EML1: variants seen among roughly 807,000 people sequenced by gnomAD.
The protein encoded by EML1 is EMAP like 1.
Under a neutral mutation model 110.4 loss-of-function variants are expected in EML1, and 27 were observed. That is an observed-to-expected ratio of 0.24 (90% CI 0.18 to 0.34). EML1 has a LOEUF of 0.34. Ranked by LOEUF, EML1 falls within the 10% of genes least tolerant of loss-of-function variation. EML1 has a pLI of 1.00. For synonymous variants in EML1, 344 were observed against 385.8 expected (o/e 0.89, Z 1.27); for missense variants, 741 against 1,030.9 (o/e 0.72, Z 3.85).
intron 1 of EML1, among the ~76,000 whole-genome samples, chr14:99,785,971 C>T (rs996826881): frequency 3.4e-5 from 5 of 148,422 alleles, no homozygotes; most frequent in African/African-American, 5.0e-5. Flanking sequence ...ATTACAAGGA[C>T]GAAGGAGACA....
chr14:99,778,049 T>C (rs1180030693), intron 1 of EML1, among the ~76,000 whole-genome samples: 1 of 152,152 alleles, frequency 6.6e-6, no homozygotes, highest in Non-Finnish European at 1.5e-5. Context: ...CTTCGTGAAG[T>C]GTTGGGATTA....
At chr14:99,759,463 C>T (rs1014126409) in intron 1 of EML1, among the ~76,000 whole-genome samples, 28 of 152,232 alleles carry the variant, frequency 1.8e-4, no homozygotes, top group African/African-American at 6.8e-4. Flanking sequence ...AGCCCCGGGC[C>T]GGGAGGTCCC....
At chr14:99,815,560 C>A (rs1595331625) in intron 1 of EML1, among the ~76,000 whole-genome samples, 1 of 152,260 alleles carries the variant, frequency 6.6e-6, no homozygotes, top group Middle Eastern at 3.4e-3. Flanking sequence ...TTTTCTTCTG[C>A]AAACAATGGT....
At chr14:99,847,936 C>CT (rs201357058) in intron 1 of EML1, among the ~76,000 whole-genome samples, 1 of 151,010 alleles carries the variant, frequency 6.6e-6, no homozygotes, top group African/African-American at 2.4e-5. Flanking sequence ...TTGGGTTTTG[C>CT]TTTTTTAAAA....
chr14:99,889,778 T>C (rs919543711), intron 4 of EML1, among the ~76,000 whole-genome samples: 1 of 152,206 alleles, frequency 6.6e-6, no homozygotes, highest in African/African-American at 2.4e-5. Flanking sequence ...TAGGGCCTTG[T>C]AGGCCAATGT....
At chr14:99,747,841 C>T (rs1343455666) in intron 1 of EML1, among the ~76,000 whole-genome samples, 6 of 152,162 alleles carry the variant, frequency 3.9e-5, no homozygotes, top group South Asian at 2.1e-4. Context: ...CAGCAATGCA[C>T]GGGAAGGGGC....
Position 99,747,286 on chromosome 14 carries a change from G to A in EML1, c.28+9426G>A, listed in dbSNP as rs1016839091. Among the ~76,000 whole-genome samples, 7 of 151,944 alleles carry A rather than the reference G, an allele frequency of 4.6e-5. No individual in the cohort carries two copies. In the South Asian group the frequency reaches 8.3e-4, roughly 18 times the overall value. Reference sequence around the variant, plus strand: ...TCCCCTGGAAATGTATAGAAATGGCGAGGAGGGCACTGCGCATTCTTCCAG... The same window carrying A: ...TCCCCTGGAAATGTATAGAAATGGCAAGGAGGGCACTGCGCATTCTTCCAG... On this transcript the variant is annotated intron_variant, in intron 1 of 10. Transcript: ENST00000554479.
intron 1 of EML1, among the ~76,000 whole-genome samples, chr14:99,829,509 G>A (rs1020241096): frequency 1.3e-5 from 2 of 152,144 alleles, no homozygotes; most frequent in Admixed American, 6.5e-5. Flanking sequence ...CATTTTAAAT[G>A]TATAAATTCA....
At chr14:99,845,418 A>AT (rs1182559237) in intron 1 of EML1, among the ~76,000 whole-genome samples, 14 of 152,180 alleles carry the variant, frequency 9.2e-5, no homozygotes, top group Non-Finnish European at 1.2e-4. Context: ...TTTCTCATTC[A>AT]ATAGAGAGAA....
chr14:99,762,427 C>T (rs78750232), intron 1 of EML1, among the ~76,000 whole-genome samples: 332 of 152,270 alleles, frequency 2.2e-3, no homozygotes, highest in African/African-American at 7.5e-3. Context: ...CAGGTAAACA[C>T]TGTTTGGGCT....
intron 13 of EML1, among the ~76,000 whole-genome samples, chr14:99,913,321 G>C (rs1048625464): frequency 1.3e-5 from 2 of 151,624 alleles, no homozygotes; most frequent in Non-Finnish European, 2.9e-5. Context: ...GCTACTACAC[G>C]CACCACCATA....
intron 1 of EML1, chr14:99,838,918 C>CGCGCGCGTGTGT (rs3071409): frequency 3.0e-5 from 1 of 33,614 alleles, no homozygotes; most frequent in African/African-American, 8.7e-5. Flanking sequence ...CGCGCGCGCG[C>CGCGCGCGTGTGT]GTGTGTGTGT....
chr14:99,814,678 G>A (rs1595329938), intron 1 of EML1, among the ~76,000 whole-genome samples: 2 of 152,172 alleles, frequency 1.3e-5, no homozygotes, highest in African/African-American at 4.8e-5. Context: ...ATTTTACAGA[G>A]CAGTTAGAGG....
chr14:99,747,257 G>A (rs2057121821), intron 1 of EML1, among the ~76,000 whole-genome samples: 1 of 150,046 alleles, frequency 6.7e-6, no homozygotes, highest in Non-Finnish European at 1.5e-5. Flanking sequence ...CATGAGCTCC[G>A]AACTCCCCTG....
At chr14:99,836,834 T>C (rs1482261621) in intron 1 of EML1, among the ~76,000 whole-genome samples, 1 of 152,108 alleles carries the variant, frequency 6.6e-6, no homozygotes, top group African/African-American at 2.4e-5. Context: ...GCTCTTAAGT[T>C]TGTTAGGGGG....
At chr14:99,795,716 G>T (rs1199312969) in intron 1 of EML1, among the ~76,000 whole-genome samples, 1 of 152,116 alleles carries the variant, frequency 6.6e-6, no homozygotes, top group Non-Finnish European at 1.5e-5. Context: ...AGCTACATTG[G>T]CAAACAATTT....
intron 1 of EML1, among the ~76,000 whole-genome samples, chr14:99,820,321 G>A (rs1939803358): frequency 6.6e-6 from 1 of 152,194 alleles, no homozygotes; most frequent in South Asian, 2.1e-4. Context: ...TGTAATCAGT[G>A]ACGGTGTAGC....
chr14:99,909,531 G>A (rs2059911777), intron 11 of EML1, 52 bp downstream of exon 11: 1 of 1,607,984 alleles, frequency 6.2e-7, no homozygotes, highest in African/African-American at 1.3e-5. Flanking sequence ...TATGTGATTG[G>A]CTAGATGCAT....
rs1364636236 is a variant in EML1 at position 99,827,593 on chromosome 14, C to T, written c.68-23260C>T. ...AAGAGGTGATTAAGTTAAACGTGGC[C>T]GTTAGAGTGGGCCCTACTCCAGTCT... On this transcript the variant is annotated intron_variant, in intron 1 of 21. Coordinates refer to ENST00000262233, the MANE Select transcript of EML1 (RefSeq NM_004434.3). This position sits in a 1 kb window ranked among gnomAD's most constrained non-coding sequence, Gnocchi z 4.4. Among the ~76,000 whole-genome samples the T allele has an allele frequency of 4.6e-5, 7 of 151,810 alleles. No individual in the cohort carries two copies. The East Asian group carries it at 1.4e-3, about 30-fold the overall frequency.
Sources: gnomAD v4.1 joint callset for allele counts (sites outside exome capture counted in the v4.1 genomes callset) on GRCh38, gnomAD v4.1.1 for gene constraint, Gnocchi (gnomAD v3.1) non-coding constraint, MANE v1.5 for transcripts, NCBI Gene and HGNC (gene_info 2026-07-23, HGNC 2026-07-21) for gene names.